Variants in PKP4 observed in about 807,000 individuals in gnomAD.
The protein encoded by PKP4 is plakophilin-4.
Under a neutral mutation model 145.1 loss-of-function variants are expected in PKP4, and 90 were observed. The observed-to-expected ratio is 0.62, with a 90% CI of 0.52 to 0.74. The LOEUF is 0.74. Ranked by LOEUF, PKP4 falls within the 30% of genes least tolerant of loss-of-function variation. The probability of loss-of-function intolerance (pLI) is 0.00; values close to 1 mark genes in which losing one functional copy is unlikely to be tolerated. For missense variants in PKP4, 1,340 were observed against 1,482.7 expected (o/e 0.90, Z 1.58); for synonymous variants, 563 against 577.2 (o/e 0.98, Z 0.35).
At chr2:158,550,957 CTG>C (rs1272237165) in intron 2 of PKP4, among the ~76,000 whole-genome samples, 1 of 152,120 alleles carries the variant, frequency 6.6e-6, no homozygotes, top group Non-Finnish European at 1.5e-5. Context: ...CATTGCCTTG[CTG>C]TGTTATTTAT....
chr2:158,581,840 G>A (rs2048359929), intron 3 of PKP4, among the ~76,000 whole-genome samples: 1 of 152,142 alleles, frequency 6.6e-6, no homozygotes, highest in Admixed American at 6.5e-5. Flanking sequence ...AAAATCTTAA[G>A]ATAAAATTCC....
chr2:158,469,287 G>C (rs1474992004), intron 1 of PKP4, among the ~76,000 whole-genome samples: 2 of 151,756 alleles, frequency 1.3e-5, no homozygotes, highest in Admixed American at 6.6e-5. Flanking sequence ...ATGAGGTTTT[G>C]CCATGTTGGT....
chr2:158,577,229 T>C (rs779368338), intron 2 of PKP4, 42 bp from the exon 3 acceptor site: 1 of 1,245,536 alleles, frequency 8.0e-7, no homozygotes, highest in Non-Finnish European at 1.2e-6. Context: ...CTGAGCAGCA[T>C]ACCTTGGCGC....
intron 4 of PKP4, among the ~76,000 whole-genome samples, chr2:158,607,003 A>C (rs747847478): frequency 6.6e-6 from 1 of 152,200 alleles, no homozygotes; most frequent in Non-Finnish European, 1.5e-5. Flanking sequence ...ATTTTAAATA[A>C]CAGTGTGGTA....
At chr2:158,460,290 A>G (rs1689569594) in intron 1 of PKP4, among the ~76,000 whole-genome samples, 1 of 152,234 alleles carries the variant, frequency 6.6e-6, no homozygotes, top group South Asian at 2.1e-4. Flanking sequence ...AATTTAAAGA[A>G]ACTACTACCA....
intron 1 of PKP4, among the ~76,000 whole-genome samples, chr2:158,524,485 C>G (rs979438202): frequency 8.4e-6 from 1 of 118,940 alleles, no homozygotes; most frequent in Non-Finnish European, 1.8e-5. Flanking sequence ...GAAGGAAGCA[C>G]TAAACATGGA....
chr2:158,598,404 G>A (rs1019693092), intron 3 of PKP4, among the ~76,000 whole-genome samples: 1 of 152,110 alleles, frequency 6.6e-6, no homozygotes, highest in Non-Finnish European at 1.5e-5. Flanking sequence ...ACTAAAGCAG[G>A]CTTGCTCACA....
At chr2:158,669,695 G>T in intron 16 of PKP4, 25 bp from the exon 17 acceptor site, 1 of 1,503,122 alleles carries the variant, frequency 6.7e-7, no homozygotes, top group South Asian at 1.4e-5. Context: ...TCTGGAAGTA[G>T]AATTTACTCT....
Position 158,528,252 on chromosome 2 carries a change from GAT to G in PKP4, c.-5-4926_-5-4925del, listed in dbSNP as rs1353347529. Among the ~76,000 whole-genome samples the G allele has an allele frequency of 5.9e-4, 89 of 150,552 alleles. 1 individual carries two copies. The South Asian group carries it at 0.018, about 30-fold the overall frequency. ...GGAACCAATCCAAATGTCCAACAATGATAGACTGGATTAAGAAAACGTGGCAC... is the reference window on the plus strand; with the variant it reads ...GGAACCAATCCAAATGTCCAACAATGAGACTGGATTAAGAAAACGTGGCAC... On this transcript the variant is annotated intron_variant, in intron 1 of 21. Transcript: ENST00000389759.
chr2:158,595,288 T>C (rs1384178540), intron 3 of PKP4, among the ~76,000 whole-genome samples: 1 of 152,184 alleles, frequency 6.6e-6, no homozygotes, highest in African/African-American at 2.4e-5. Context: ...TATTCCATCT[T>C]AGTCTTCTAG....
intron 17 of PKP4, among the ~76,000 whole-genome samples, chr2:158,672,508 G>T (rs940680124): frequency 6.6e-6 from 1 of 152,176 alleles, no homozygotes; most frequent in African/African-American, 2.4e-5. Flanking sequence ...AAAGACAGAC[G>T]GGTGAACAAA....
chr2:158,554,638 G>A (rs2045932391), intron 2 of PKP4, among the ~76,000 whole-genome samples: 1 of 152,018 alleles, frequency 6.6e-6, no homozygotes, highest in Non-Finnish European at 1.5e-5. Context: ...TGTTAGCCAG[G>A]ATGGTCTCGA....
chr2:158,523,691 G>T lies in PKP4; in HGVS notation c.-5-9489G>T, dbSNP rs962748180. Among the ~76,000 whole-genome samples the T allele has an allele frequency of 2.3e-4, 31 of 133,084 alleles. No individual in the cohort carries two copies. In the East Asian group the frequency reaches 2.8e-3, roughly 12 times the overall value. The allele number at this position is 133,084 out of a possible 152,430, so 87.3% of individuals were successfully genotyped here. On this transcript the variant is annotated intron_variant, in intron 1 of 21. Coordinates refer to ENST00000389759, the MANE Select transcript of PKP4 (RefSeq NM_003628.6). ...AGACGATCAAATTACTCTGAGCTAC[G>T]GGAGGACATTCAAACCAAAGGCAAA...
intron 1 of PKP4, among the ~76,000 whole-genome samples, chr2:158,483,222 AT>A (rs1693627996): frequency 6.6e-6 from 1 of 151,958 alleles, no homozygotes; most frequent in Admixed American, 6.6e-5. Flanking sequence ...TCATGGTGGA[AT>A]TTTTTTCCTC....
intron 1 of PKP4, among the ~76,000 whole-genome samples, chr2:158,470,315 A>C (rs960726492): frequency 3.9e-5 from 6 of 152,148 alleles, no homozygotes; most frequent in African/African-American, 1.4e-4. Context: ...GCGACCTACC[A>C]TATAAGGCCC....
chr2:158,561,925 C>T (rs1426474434), intron 2 of PKP4, among the ~76,000 whole-genome samples: 2 of 148,688 alleles, frequency 1.3e-5, no homozygotes, highest in African/African-American at 2.5e-5. Flanking sequence ...CATCCCTCCC[C>T]CCAGCCCCCC....
intron 9 of PKP4, among the ~76,000 whole-genome samples, chr2:158,637,013 A>G (rs2053863807): frequency 6.6e-6 from 1 of 152,068 alleles, no homozygotes. Flanking sequence ...TTACATATTT[A>G]TAAGTCATAT....
At chr2:158,624,290 C>T (rs539093085) in intron 6 of PKP4, among the ~76,000 whole-genome samples, 12 of 152,264 alleles carry the variant, frequency 7.9e-5, no homozygotes, top group African/African-American at 1.7e-4. Flanking sequence ...CAGTGGAGAG[C>T]GCCAGACCCA....
At chr2:158,538,554 T>C (rs1015364721) in intron 2 of PKP4, among the ~76,000 whole-genome samples, 3 of 149,144 alleles carry the variant, frequency 2.0e-5, no homozygotes, top group African/African-American at 7.4e-5. Context: ...TTTTTTTTTT[T>C]TTTGAGACAG....
Sources: allele counts gnomAD v4.1 joint callset (sites outside exome capture counted in the v4.1 genomes callset), GRCh38; gene constraint gnomAD v4.1.1; transcripts MANE v1.5; gene names NCBI Gene and HGNC (gene_info 2026-07-23, HGNC 2026-07-21).